The following KCNN3 variants were observed in gnomAD, a reference collection of about 807,000 sequenced individuals.
KCNN3 encodes small conductance calcium-activated potassium channel protein 3.
KCNN3 carries 16 observed loss-of-function variants against 62.9 expected under a neutral mutation model. The observed-to-expected ratio is 0.25, with a 90% confidence interval of 0.17 to 0.39. The LOEUF (loss-of-function observed/expected upper bound fraction) is 0.39. Among genes scored for constraint, KCNN3 ranks in the 10% least tolerant of loss-of-function variants. The pLI, the probability that KCNN3 is intolerant of heterozygous loss-of-function variation, is 1.00. For synonymous variants in KCNN3, 370 were observed against 389.2 expected (o/e 0.95, Z 0.58); for missense variants, 599 against 949.4 (o/e 0.63, Z 4.85).
chr1:154,768,403 G>A (rs12406117), intron 3 of KCNN3, among the ~76,000 whole-genome samples: 80,169 of 152,146 alleles, frequency 0.53, 21,330 homozygotes, highest in Middle Eastern at 0.65. Flanking sequence ...ATATATTAAC[G>A]GGGCAGATTC....
At chr1:154,819,820 C>A (rs952702201) in intron 2 of KCNN3, among the ~76,000 whole-genome samples, 1 of 152,170 alleles carries the variant, frequency 6.6e-6, no homozygotes, top group Admixed American at 6.5e-5. Flanking sequence ...GTGGACCCAG[C>A]TGGTAAGTGC....
intron 6 of KCNN3, 76 bp from the exon 7 acceptor site, chr1:154,713,609 C>T: frequency 8.5e-7 from 1 of 1,174,626 alleles, no homozygotes; most frequent in Non-Finnish European, 1.3e-6. Flanking sequence ...ATCCTCCAGC[C>T]CTACCACTGC....
At chr1:154,756,335 G>A (rs1282510667) in intron 3 of KCNN3, among the ~76,000 whole-genome samples, 1 of 152,066 alleles carries the variant, frequency 6.6e-6, no homozygotes, top group African/African-American at 2.4e-5. Context: ...AAGAAGAAGA[G>A]GAGGAGGAAG....
At chr1:154,713,206 T>C (rs1336038226) in intron 7 of KCNN3, among the ~76,000 whole-genome samples, 1 of 152,106 alleles carries the variant, frequency 6.6e-6, no homozygotes, top group Non-Finnish European at 1.5e-5. Flanking sequence ...TTTAGTCAGC[T>C]CATTAATTTC....
chr1:154,722,742 T>TC (rs1700382327), intron 5 of KCNN3, among the ~76,000 whole-genome samples: 1 of 146,602 alleles, frequency 6.8e-6, no homozygotes, highest in Non-Finnish European at 1.5e-5. Context: ...TTTTTTTTTT[T>TC]CTTTTTTTTG....
intron 6 of KCNN3, 54 bp downstream of exon 6, chr1:154,714,822 T>C (rs556303736): frequency 6.2e-7 from 1 of 1,609,834 alleles, no homozygotes; most frequent in South Asian, 1.1e-5. Context: ...GTTGTAGGAG[T>C]CCCGCCACTC....
rs1454331045 is a variant in KCNN3, at chr1:154,870,230, TC to T, written c.-267del. On this transcript the variant is annotated 5_prime_UTR_variant, in exon 1 of 8. Coordinates refer to ENST00000271915, the MANE Select transcript of KCNN3 (RefSeq NM_002249.6). Reference sequence around the variant, plus strand: ...GTGAAAGAACTCTCTCAGGAGGTGGTCCTCTAGGAGCGTGTGAGGCCAGGCT... The same window carrying T: ...GTGAAAGAACTCTCTCAGGAGGTGGTCTCTAGGAGCGTGTGAGGCCAGGCT... 1.5e-6 allele frequency: 1 copy of T among 652,326 alleles called. No individual in the cohort carries two copies. Among genetic ancestry groups the T allele is most frequent in the African/African-American group, 1.8e-5 (1 of 56,188 alleles). 40.4% of individuals were successfully genotyped at this position (652,326 alleles called of 1,614,324 possible).
At chr1:154,736,459 A>T (rs1009130351) in intron 3 of KCNN3, among the ~76,000 whole-genome samples, 4 of 152,264 alleles carry the variant, frequency 2.6e-5, no homozygotes, top group Non-Finnish European at 5.9e-5. Context: ...AAGAAAAGAC[A>T]TGAGATACTT....
chr1:154,766,416 T>TTAAAAATATATATATA (rs1553231995), intron 3 of KCNN3, among the ~76,000 whole-genome samples: 1 of 71,812 alleles, frequency 1.4e-5, no homozygotes, highest in Non-Finnish European at 2.8e-5. Context: ...TAGCCAGGCT[T>TTAAAAATATATATATA]TATATATATA....
At chr1:154,778,215 C>T (rs536847451) in intron 2 of KCNN3, among the ~76,000 whole-genome samples, 10 of 152,140 alleles carry the variant, frequency 6.6e-5, no homozygotes, top group Non-Finnish European at 1.5e-4. Context: ...AGATTTTATG[C>T]AACAGTGATT....
At chr1:154,806,848 C>T (rs768167746) in intron 2 of KCNN3, among the ~76,000 whole-genome samples, 2 of 152,180 alleles carry the variant, frequency 1.3e-5, no homozygotes, top group African/African-American at 4.8e-5. Context: ...GGGTTTCCTG[C>T]GGTCCCTGAA....
intron 6 of KCNN3, among the ~76,000 whole-genome samples, chr1:154,714,236 G>GTGTGGGGTT (rs1161396966): frequency 1.2e-4 from 1 of 8,276 alleles, no homozygotes; most frequent in African/African-American, 4.2e-4. Flanking sequence ...TGTGGGGTGT[G>GTGTGGGGTT]TGCGGTGTGT....
chr1:154,712,263 A>AG (rs1201232201), intron 7 of KCNN3, among the ~76,000 whole-genome samples: 3 of 152,170 alleles, frequency 2.0e-5, no homozygotes, highest in Non-Finnish European at 4.4e-5. Flanking sequence ...ACCTAGTCCC[A>AG]GCGGGTTTCT....
chr1:154,780,129 G>A (rs749633255), intron 2 of KCNN3, among the ~76,000 whole-genome samples: 4 of 151,708 alleles, frequency 2.6e-5, no homozygotes, highest in Non-Finnish European at 4.4e-5. Context: ...TCAGACTTGC[G>A]AGGCCTCCCC....
chr1:154,815,588 T>C lies in KCNN3; in HGVS notation c.1029+6501A>G, dbSNP rs575997616. ...GCAGGAATCAGGTCTGCTTTATTTC[T>C]GGATTCTCAATGCCTAGCACAAAGT... On this transcript the variant is annotated intron_variant, in intron 2 of 7. Transcript: ENST00000271915. 3.9e-5 allele frequency among the ~76,000 whole-genome samples: 6 copies of C among 152,386 alleles called. No homozygotes were observed. The South Asian group carries it at 1.0e-3, about 26-fold the overall frequency.
chr1:154,864,756 A>G (rs1347557974), intron 1 of KCNN3, among the ~76,000 whole-genome samples: 2 of 152,204 alleles, frequency 1.3e-5, no homozygotes, highest in Non-Finnish European at 2.9e-5. Context: ...GGGGCCACAG[A>G]GAGGAGCAGA....
rs780406827 is a variant in KCNN3, at chr1:154,761,833, G to C, written c.1448+10142C>G. Reference sequence around the variant, plus strand: ...CAGGTGCCTGTAATTTCAGCTACTCGGGAGGCTGAGGCAAGATAATTGCTT... The same window carrying C: ...CAGGTGCCTGTAATTTCAGCTACTCCGGAGGCTGAGGCAAGATAATTGCTT... On this transcript the variant is annotated intron_variant, in intron 3 of 7. Transcript: ENST00000271915. 1.1e-4 allele frequency among the ~76,000 whole-genome samples: 16 copies of C among 151,670 alleles called. No homozygotes were observed. In the South Asian group the frequency reaches 1.3e-3, roughly 12 times the overall value.
intron 1 of KCNN3, among the ~76,000 whole-genome samples, chr1:154,846,688 C>T (rs1652075996): frequency 6.6e-6 from 1 of 152,128 alleles, no homozygotes; most frequent in Non-Finnish European, 1.5e-5. Context: ...TTCAGATGAA[C>T]GAGTGAAAGA....
At chr1:154,716,266 C>T (rs927798316) in intron 5 of KCNN3, among the ~76,000 whole-genome samples, 1 of 152,234 alleles carries the variant, frequency 6.6e-6, no homozygotes, top group Non-Finnish European at 1.5e-5. Flanking sequence ...GAAAACATTC[C>T]TTATTAAGCA....
Sources: allele counts gnomAD v4.1 joint callset (sites outside exome capture counted in the v4.1 genomes callset), GRCh38; gene constraint gnomAD v4.1.1; transcripts MANE v1.5; gene names NCBI Gene and HGNC (gene_info 2026-07-23, HGNC 2026-07-21).